COL23A1: variants seen among roughly 807,000 people sequenced by gnomAD.
The protein encoded by COL23A1 is collagen type XXIII alpha 1 chain, also known as collagen alpha-1(XXIII) chain.
COL23A1 carries 97 observed loss-of-function variants against 99.3 expected under a neutral mutation model. The observed-to-expected ratio is 0.98, with a 90% CI of 0.83 to 1.16. The LOEUF is 1.16. COL23A1 is among the 50% of genes most tolerant of loss of function. The probability of loss-of-function intolerance (pLI) is 0.00; values close to 1 mark genes in which losing one functional copy is unlikely to be tolerated. For synonymous variants in COL23A1, 320 were observed against 308.2 expected (o/e 1.04, Z -0.40); for missense variants, 762 against 757.4 (o/e 1.01, Z -0.07).
At chr5:178,483,169 T>G (rs920431450) in intron 2 of COL23A1, among the ~76,000 whole-genome samples, 2 of 152,354 alleles carry the variant, frequency 1.3e-5, no homozygotes, top group East Asian at 3.9e-4. Context: ...AGCAGGTCAC[T>G]GATGACCATC....
intron 27 of COL23A1, among the ~76,000 whole-genome samples, chr5:178,240,426 A>C (rs1045467099): frequency 2.0e-5 from 3 of 152,122 alleles, no homozygotes; most frequent in Admixed American, 6.5e-5. Flanking sequence ...CACACAGCAC[A>C]CGGCACACGG....
chr5:178,559,682 T>C lies in COL23A1; in HGVS notation c.361+1000A>G, dbSNP rs374431005. Among the ~76,000 whole-genome samples, 62 of 144,880 alleles carry C rather than the reference T, an allele frequency of 4.3e-4. 1 individual carries two copies. The East Asian group carries it at 0.011, about 25-fold the overall frequency. ...TGAGACACATCATCCAAAAGTCACC[T>C]TTCCCTGCACGTCGAGAAGTCTGAG... is the stretch of plus-strand genomic sequence containing the variant. On this transcript the variant is annotated intron_variant, in intron 2 of 28. Transcript: ENST00000390654.
At chr5:178,476,493 A>G (rs1425147001) in intron 2 of COL23A1, among the ~76,000 whole-genome samples, 1 of 152,164 alleles carries the variant, frequency 6.6e-6, no homozygotes, top group Non-Finnish European at 1.5e-5. Context: ...AAATTCCCTT[A>G]TCTATATAAT....
rs1337403453 is a variant in COL23A1 at position 178,340,589 on chromosome 5, G to A, written c.362-33670C>T. ...AATCCAGGGGCTGACGCAGAGGTCA[G>A]GAGTGGCCTGAAGTTCTCTCAGGAG... On this transcript the variant is annotated intron_variant, in intron 2 of 28. Transcript: ENST00000390654. The surrounding 1 kb of genome is among the most constrained non-coding windows in gnomAD (Gnocchi z 4.7). Among the ~76,000 whole-genome samples, 1 of 152,202 alleles carries A rather than the reference G, an allele frequency of 6.6e-6. No individual in the cohort carries two copies.
chr5:178,305,779 G>A (rs1758318542), intron 3 of COL23A1, among the ~76,000 whole-genome samples: 1 of 152,122 alleles, frequency 6.6e-6, no homozygotes, highest in African/African-American at 2.4e-5. Flanking sequence ...AGCTGCAGGA[G>A]GTCACGGCAG....
chr5:178,271,692 C>T (rs1260184921), intron 5 of COL23A1, among the ~76,000 whole-genome samples: 1 of 152,248 alleles, frequency 6.6e-6, no homozygotes, highest in African/African-American at 2.4e-5. Context: ...AATGCACGCA[C>T]TGCACAGTAG....
At chr5:178,355,346 T>A (rs1761578649) in intron 2 of COL23A1, among the ~76,000 whole-genome samples, 1 of 152,142 alleles carries the variant, frequency 6.6e-6, no homozygotes. Flanking sequence ...GATTTGGGTA[T>A]CTGCAGGGGG....
intron 2 of COL23A1, among the ~76,000 whole-genome samples, chr5:178,316,407 T>C (rs6883861): frequency 0.1 from 15,789 of 152,258 alleles, 1,153 homozygotes; most frequent in African/African-American, 0.2. Context: ...ATATTTATGA[T>C]ATACAGAGTT....
Position 178,242,119 on chromosome 5 carries a change from C to T in COL23A1, c.1504G>A (p.Gly502Arg). 6.4e-7 allele frequency: 1 copy of T among 1,552,964 alleles called. No homozygotes were observed. Among genetic ancestry groups the T allele is most frequent in the Non-Finnish European group, 8.7e-7 (1 of 1,147,886 alleles). ...TTCACTCCTTTCCGGCCGGGGACCC[C>T]TCGTTCTCCCTGTGCAGGAGGGGAG... is the stretch of plus-strand genomic sequence containing the variant. ...RSERGEKGER[G>R]VPGRKGVKGQ... Residue 502 changes from glycine to arginine, a missense_variant, in exon 27 of 29, where the codon GGG becomes AGG. Coordinates refer to ENST00000390654, the MANE Select transcript of COL23A1 (RefSeq NM_173465.4).
intron 2 of COL23A1, among the ~76,000 whole-genome samples, chr5:178,323,897 T>G (rs899131124): frequency 6.6e-6 from 1 of 152,312 alleles, no homozygotes; most frequent in African/African-American, 2.4e-5. Context: ...AGAAGTGATA[T>G]GTCCCAAGTC....
chr5:178,425,439 A>G (rs1765867902), intron 2 of COL23A1, among the ~76,000 whole-genome samples: 1 of 149,018 alleles, frequency 6.7e-6, no homozygotes, highest in Non-Finnish European at 1.5e-5. Flanking sequence ...ATAAATAAAT[A>G]AATAAATAAA....
At chr5:178,374,895 T>TC (rs1762989650) in intron 2 of COL23A1, among the ~76,000 whole-genome samples, 1 of 152,114 alleles carries the variant, frequency 6.6e-6, no homozygotes, top group Non-Finnish European at 1.5e-5. Context: ...AATTATTGAA[T>TC]AACCCCAATA....
At chr5:178,383,928 A>C (rs1018706977) in intron 2 of COL23A1, among the ~76,000 whole-genome samples, 1 of 152,072 alleles carries the variant, frequency 6.6e-6, no homozygotes, top group African/African-American at 2.4e-5. Flanking sequence ...AAAAAGATAG[A>C]CATGAATGGC....
chr5:178,400,570 A>G, intron 2 of COL23A1, among the ~76,000 whole-genome samples: 1 of 152,116 alleles, frequency 6.6e-6, no homozygotes, highest in Non-Finnish European at 1.5e-5. Context: ...TACCATTTTA[A>G]CCATTTTTAA....
Position 178,256,400 on chromosome 5 carries a change from G to C in COL23A1, c.838-3C>G. ...GTGCCTCGGTGGCCAGGCTCCCCCT[G>C]TGGAGACATGCATTTGCAGCCAGAG... is the stretch of plus-strand genomic sequence containing the variant. On this transcript the variant is annotated splice_region_variant and splice_polypyrimidine_tract_variant and intron_variant, in intron 14 of 28. Coordinates refer to ENST00000390654, the MANE Select transcript of COL23A1 (RefSeq NM_173465.4). 6.2e-7 allele frequency: 1 copy of C among 1,606,420 alleles called. No homozygotes were observed. Among genetic ancestry groups the C allele is most frequent in the South Asian group, 1.1e-5 (1 of 90,416 alleles).
intron 6 of COL23A1, 87 bp downstream of exon 6, chr5:178,270,250 C>T (rs1449095588): frequency 1.3e-6 from 2 of 1,513,954 alleles, no homozygotes; most frequent in African/African-American, 2.7e-5. Flanking sequence ...CCAGTGGCTG[C>T]TTCCCTCCAG....
intron 3 of COL23A1, among the ~76,000 whole-genome samples, chr5:178,291,961 T>C (rs1757483889): frequency 6.6e-6 from 1 of 152,150 alleles, no homozygotes; most frequent in Non-Finnish European, 1.5e-5. Context: ...CCCATTGAGC[T>C]GACTCCTCAC....
rs1183348324 is a variant in COL23A1, at chr5:178,357,732, G to GTA, written c.362-50814_362-50813insTA. Among the ~76,000 whole-genome samples the GTA allele has an allele frequency of 2.2e-4, 19 of 87,122 alleles. No individual in the cohort carries two copies. In the East Asian group the frequency reaches 6.2e-3, roughly 29 times the overall value. The allele number at this position is 87,122 out of a possible 152,430, so 57.2% of individuals were successfully genotyped here. Reference sequence around the variant, plus strand: ...AAAATGTGTGTATGTGTGTGTGTGTGTGTGTATGTACGTGTATGTGTGTGT... The same window carrying GTA: ...AAAATGTGTGTATGTGTGTGTGTGTGTATGTGTATGTACGTGTATGTGTGTGT... On this transcript the variant is annotated intron_variant, in intron 2 of 28. Transcript: ENST00000390654.
At position 178,349,263 on chromosome 5, in the gene COL23A1, T is replaced by G. The variant is rs576465671; in HGVS notation, c.362-42344A>C. 2.6e-5 allele frequency among the ~76,000 whole-genome samples: 4 copies of G among 152,254 alleles called. No homozygotes were observed. In the South Asian group the frequency reaches 8.3e-4, roughly 32 times the overall value. ...GAGAAATAACAGGGGCACAGGCAGC[T>G]GGGTGAGGGGAACCAGAGCTGAAAG... On this transcript the variant is annotated intron_variant, in intron 2 of 28. Coordinates refer to ENST00000390654, the MANE Select transcript of COL23A1 (RefSeq NM_173465.4).
Sources: gnomAD v4.1 joint callset for allele counts (sites outside exome capture counted in the v4.1 genomes callset) on GRCh38, gnomAD v4.1.1 for gene constraint, Gnocchi (gnomAD v3.1) non-coding constraint, MANE v1.5 for transcripts, NCBI Gene and HGNC (gene_info 2026-07-23, HGNC 2026-07-21) for gene names.